The following LRMDA variants were observed in gnomAD, a reference collection of about 807,000 sequenced individuals.
LRMDA encodes the protein leucine rich melanocyte differentiation associated.
LRMDA carries 18 observed loss-of-function variants against 29.8 expected under a neutral mutation model. The observed-to-expected ratio is 0.60, with a 90% CI of 0.42 to 0.90. The LOEUF is 0.90. Ranked by LOEUF, LRMDA falls within the 40% of genes least tolerant of loss-of-function variation. LRMDA has a pLI of 0.00. For synonymous variants in LRMDA, 125 were observed against 109.4 expected (o/e 1.14, Z -0.89); for missense variants, 273 against 273.9 (o/e 1.00, Z 0.02).
intron 5 of LRMDA, among the ~76,000 whole-genome samples, chr10:76,116,535 A>G (rs1849670166): frequency 6.6e-6 from 1 of 152,136 alleles, no homozygotes; most frequent in African/African-American, 2.4e-5. Flanking sequence ...AGACCTTTTC[A>G]TTAGATGTGA....
At chr10:76,171,419 G>T (rs780675512) in intron 5 of LRMDA, among the ~76,000 whole-genome samples, 11 of 152,170 alleles carry the variant, frequency 7.2e-5, no homozygotes, top group African/African-American at 2.7e-4. Context: ...GATTACAGGC[G>T]TGAGCCACCA....
At chr10:76,173,169 A>G (rs1850869325) in intron 5 of LRMDA, among the ~76,000 whole-genome samples, 1 of 152,218 alleles carries the variant, frequency 6.6e-6, no homozygotes, top group Admixed American at 6.5e-5. Context: ...AGACACTAGC[A>G]GAAGAAAAGA....
intron 2 of LRMDA, among the ~76,000 whole-genome samples, chr10:75,874,084 C>T (rs956391854): frequency 7.9e-5 from 12 of 152,292 alleles, no homozygotes; most frequent in African/African-American, 2.9e-4. Flanking sequence ...CCCTCACCCC[C>T]AGCAAACCTC....
intron 2 of LRMDA, among the ~76,000 whole-genome samples, chr10:75,500,237 A>G (rs1264949933): frequency 6.6e-6 from 1 of 152,186 alleles, no homozygotes. Flanking sequence ...ACACATGCAC[A>G]CACACACAAC....
At chr10:76,051,329 G>T (rs1046799847) in intron 4 of LRMDA, among the ~76,000 whole-genome samples, 4 of 152,228 alleles carry the variant, frequency 2.6e-5, no homozygotes, top group Admixed American at 2.0e-4. Flanking sequence ...CTCTGTAGAG[G>T]GCCTTGGTCT....
In LRMDA at chr10:75,812,253, A is replaced by G. The variant is rs561981968; in HGVS notation, c.132-223755A>G. The stretch of plus-strand genomic sequence containing the variant: ...ATGCCGATGACAAGGGATTTGATTT[A>G]ATATTCTCTTTAAATAAGATCAACA... On this transcript the variant is annotated intron_variant, in intron 2 of 6. Transcript: ENST00000611255. 2.6e-5 allele frequency among the ~76,000 whole-genome samples: 4 copies of G among 151,142 alleles called. No homozygotes were observed. In the East Asian group the frequency reaches 7.8e-4, roughly 29 times the overall value.
At chr10:76,352,634 TAG>T (rs780366942) in intron 6 of LRMDA, among the ~76,000 whole-genome samples, 4 of 152,170 alleles carry the variant, frequency 2.6e-5, no homozygotes, top group Admixed American at 1.3e-4. Flanking sequence ...TTTCAGACTC[TAG>T]TTGACTGTGG....
intron 2 of LRMDA, among the ~76,000 whole-genome samples, chr10:75,615,164 A>G (rs1306032262): frequency 6.6e-6 from 1 of 152,176 alleles, no homozygotes. Flanking sequence ...CTAGCTCTCA[A>G]TGACAAATCA....
At chr10:76,137,129 T>C (rs1589344339) in intron 5 of LRMDA, among the ~76,000 whole-genome samples, 1 of 152,300 alleles carries the variant, frequency 6.6e-6, no homozygotes, top group South Asian at 2.1e-4. Flanking sequence ...TACCGACCCT[T>C]CCTTTAGTTC....
intron 6 of LRMDA, among the ~76,000 whole-genome samples, chr10:76,425,534 C>G (rs984490990): frequency 6.6e-6 from 1 of 151,510 alleles, no homozygotes; most frequent in Non-Finnish European, 1.5e-5. Flanking sequence ...TATTTGTAGG[C>G]AGTACTTGGC....
intron 2 of LRMDA, among the ~76,000 whole-genome samples, chr10:75,875,497 G>T (rs1281202926): frequency 6.6e-6 from 1 of 152,068 alleles, no homozygotes; most frequent in African/African-American, 2.4e-5. Flanking sequence ...GCAATGGCAT[G>T]ATCTTGGCTC....
chr10:76,286,316 C>T (rs1209106145), intron 5 of LRMDA, among the ~76,000 whole-genome samples: 1 of 152,178 alleles, frequency 6.6e-6, no homozygotes, highest in Non-Finnish European at 1.5e-5. Flanking sequence ...GCACATTGGG[C>T]TGGAAATCAG....
chr10:75,955,515 T>C (rs971025253), intron 2 of LRMDA, among the ~76,000 whole-genome samples: 2 of 152,202 alleles, frequency 1.3e-5, no homozygotes, highest in African/African-American at 4.8e-5. Flanking sequence ...GGTATTCTGC[T>C]GTCACAGAAA....
At chr10:76,338,746 A>G (rs931810714) in intron 6 of LRMDA, among the ~76,000 whole-genome samples, 23 of 152,348 alleles carry the variant, frequency 1.5e-4, no homozygotes, top group African/African-American at 4.6e-4. Context: ...GGTGCATGTA[A>G]TAAAATGACA....
chr10:76,059,288 G>T (rs942389409), intron 5 of LRMDA, among the ~76,000 whole-genome samples: 1 of 152,178 alleles, frequency 6.6e-6, no homozygotes, highest in Non-Finnish European at 1.5e-5. Flanking sequence ...CCCTAGGCTG[G>T]CATGTGCCCC....
At chr10:75,973,737 AGTATTATGGCAGCT>A (rs1340966857) in intron 2 of LRMDA, among the ~76,000 whole-genome samples, 1 of 152,084 alleles carries the variant, frequency 6.6e-6, no homozygotes, top group Non-Finnish European at 1.5e-5. Flanking sequence ...TCCTTTATGC[AGTATTATGGCAGCT>A]GAATTAAGAT....
chr10:75,641,602 T>TA (rs869163761), intron 2 of LRMDA, among the ~76,000 whole-genome samples: 22 of 151,922 alleles, frequency 1.4e-4, no homozygotes, highest in Non-Finnish European at 2.8e-4. Flanking sequence ...AGGCTATATT[T>TA]AAAAAAAATT....
At chr10:76,382,231 G>A (rs1589159530) in intron 6 of LRMDA, among the ~76,000 whole-genome samples, 2 of 152,242 alleles carry the variant, frequency 1.3e-5, no homozygotes, top group East Asian at 3.9e-4. Context: ...ACAAAGAATG[G>A]GGGTTTGGCC....
intron 5 of LRMDA, among the ~76,000 whole-genome samples, chr10:76,295,555 G>A (rs766472402): frequency 1.3e-5 from 2 of 152,208 alleles, no homozygotes; most frequent in Non-Finnish European, 2.9e-5. Flanking sequence ...CATGGACACT[G>A]CTGCCGCCAC....
Sources: allele counts gnomAD v4.1 joint callset (sites outside exome capture counted in the v4.1 genomes callset), GRCh38; gene constraint gnomAD v4.1.1; transcripts MANE v1.5; gene names NCBI Gene and HGNC (gene_info 2026-07-23, HGNC 2026-07-21).